The following SLCO1B3 variants were observed in gnomAD, a reference collection of about 807,000 sequenced individuals.
SLCO1B3 encodes the protein solute carrier organic anion transporter family member 1B3, also known as liver-specific organic anion transporter 2.
Under a neutral mutation model 71.8 loss-of-function variants are expected in SLCO1B3, and 72 were observed. That is an observed-to-expected ratio of 1.00 (90% CI 0.83 to 1.22). The LOEUF (loss-of-function observed/expected upper bound fraction) is 1.22. Ranked by LOEUF, SLCO1B3 falls within the 50% of genes most tolerant of loss-of-function variation. The pLI, the probability that SLCO1B3 is intolerant of heterozygous loss-of-function variation, is 0.00. For missense variants in SLCO1B3, 911 were observed against 819.7 expected, an observed-to-expected ratio of 1.11 and a Z score of -1.36; for synonymous variants, 298 against 278.4, an observed-to-expected ratio of 1.07 and a Z score of -0.70.
chr12:20,901,859 A>G, intron 15 of SLCO1B3: 5 of 429,376 alleles, frequency 1.2e-5, no homozygotes, highest in South Asian at 8.3e-5. Flanking sequence ...AATTGAGGAA[A>G]GAAATGGAAA....
intron 5 of SLCO1B3, among the ~76,000 whole-genome samples, chr12:20,859,225 A>G (rs140649360): frequency 1.3e-5 from 2 of 152,318 alleles, no homozygotes; most frequent in Non-Finnish European, 2.9e-5. Context: ...GCTGAGCTCC[A>G]GGAGCATTTT....
At chr12:20,858,877 G>A (rs934109692) in intron 5 of SLCO1B3, 26 of 168,228 alleles carry the variant, frequency 1.5e-4, no homozygotes, top group Middle Eastern at 2.9e-3. Flanking sequence ...TTATGTTTTT[G>A]CCTGTAAGAT....
At chr12:20,852,341 T>G (rs1232912353) in intron 3 of SLCO1B3, among the ~76,000 whole-genome samples, 1 of 151,962 alleles carries the variant, frequency 6.6e-6, no homozygotes, top group Non-Finnish European at 1.5e-5. Context: ...TAGTTAGGCA[T>G]AGTGGTGCAC....
At chr12:20,834,768 C>T (rs1341208053) in intron 3 of SLCO1B3, among the ~76,000 whole-genome samples, 2 of 152,094 alleles carry the variant, frequency 1.3e-5, no homozygotes, top group Non-Finnish European at 2.9e-5. Flanking sequence ...GTATCTGTGG[C>T]TTTTCCATGT....
Position 20,871,000 on chromosome 12 carries a change from A to G in SLCO1B3, c.728-4235A>G, listed in dbSNP as rs571471587. On this transcript the variant is annotated intron_variant, in intron 8 of 15. Transcript: ENST00000381545. ...TAATGTATCAGATTTATTGATTTGC[A>G]TATGTTGAACTAACTTTGGATCCCA... Among the ~76,000 whole-genome samples, 10 of 152,266 alleles carry G rather than the reference A, an allele frequency of 6.6e-5. No homozygotes were observed. The South Asian group carries it at 1.2e-3, about 19-fold the overall frequency.
At chr12:20,864,884 G>A (rs1319476216) in intron 8 of SLCO1B3, among the ~76,000 whole-genome samples, 1 of 152,082 alleles carries the variant, frequency 6.6e-6, no homozygotes, top group East Asian at 1.9e-4. Flanking sequence ...GGAAATTAGG[G>A]TATGATGGTT....
intron 3 of SLCO1B3, among the ~76,000 whole-genome samples, chr12:20,831,356 CAAAAAAA>C (rs35410136): frequency 5.5e-5 from 5 of 91,206 alleles, no homozygotes; most frequent in Admixed American, 3.6e-4. Context: ...GACGCCATAT[CAAAAAAA>C]AAAAAAAAAA....
chr12:20,891,158 T>C (rs1865894945), intron 13 of SLCO1B3, among the ~76,000 whole-genome samples: 1 of 152,118 alleles, frequency 6.6e-6, no homozygotes, highest in Admixed American at 6.6e-5. Context: ...TAAGTATTGC[T>C]CTTTCATTTC....
chr12:20,890,490 A>G (rs529698538), intron 13 of SLCO1B3, among the ~76,000 whole-genome samples: 2 of 152,336 alleles, frequency 1.3e-5, no homozygotes, highest in South Asian at 4.1e-4. Flanking sequence ...CTGAGGTTGT[A>G]GGGTAAAATG....
At position 20,916,383 on chromosome 12, in the gene SLCO1B3, C is replaced by T. The variant is rs766036895; in HGVS notation, c.*136C>T. 5.3e-5 allele frequency: 41 copies of T among 779,856 alleles called. No individual in the cohort carries two copies. Among genetic ancestry groups the T allele is most frequent in the Non-Finnish European group, 7.5e-5 (37 of 490,222 alleles). The allele number at this position is 779,856 out of a possible 1,614,324, so 48.3% of individuals were successfully genotyped here. On this transcript the variant is annotated 3_prime_UTR_variant, in exon 16 of 16. Transcript: ENST00000381545. ...ATAAACTATAAAAAATGGGAGTACCCATGGTTAGGATATAGCTATGCCTTT... is the reference window on the plus strand; with the variant it reads ...ATAAACTATAAAAAATGGGAGTACCTATGGTTAGGATATAGCTATGCCTTT...
intron 6 of SLCO1B3, 135 bp from the exon 7 acceptor site, chr12:20,862,277 A>G: frequency 1.9e-6 from 2 of 1,036,934 alleles, no homozygotes; most frequent in South Asian, 1.8e-5. Context: ...CAAACTTTGT[A>G]AAGTGAATAT....
chr12:20,813,108 G>C (rs1864135035), intron 1 of SLCO1B3, among the ~76,000 whole-genome samples: 1 of 152,052 alleles, frequency 6.6e-6, no homozygotes, highest in Non-Finnish European at 1.5e-5. Context: ...CTCCATTCAT[G>C]AGTGTATTTA....
intron 3 of SLCO1B3, among the ~76,000 whole-genome samples, chr12:20,849,635 A>T (rs987477934): frequency 6.6e-6 from 1 of 152,032 alleles, no homozygotes; most frequent in Non-Finnish European, 1.5e-5. Context: ...ACATAATTAT[A>T]TGTAAAGAGA....
Position 20,854,950 on chromosome 12 carries a change from G to A in SLCO1B3, c.85-78G>A, listed in dbSNP as rs997205967. On this transcript the variant is annotated intron_variant, in intron 3 of 15. Transcript: ENST00000381545. Reference sequence around the variant, plus strand: ...TGTTTTCGAGTAAAGAAGAAAAACTGTTTTAGTTCCATGTACCTATAAACA... The same window carrying A: ...TGTTTTCGAGTAAAGAAGAAAAACTATTTTAGTTCCATGTACCTATAAACA... The A allele has an allele frequency of 8.3e-6, 11 of 1,321,250 alleles. No homozygotes were observed. The African/African-American group carries it at 1.5e-4, about 18-fold the overall frequency. The allele number at this position is 1,321,250 out of a possible 1,614,324, so 81.8% of individuals were successfully genotyped here.
intron 15 of SLCO1B3, among the ~76,000 whole-genome samples, chr12:20,911,296 A>T (rs1189620771): frequency 4.6e-5 from 7 of 152,174 alleles, no homozygotes; most frequent in African/African-American, 1.7e-4. Context: ...CCTGAAATAC[A>T]TTCCACTTGG....
chr12:20,884,044 A>G (rs1865746337), intron 13 of SLCO1B3, among the ~76,000 whole-genome samples: 1 of 152,206 alleles, frequency 6.6e-6, no homozygotes, highest in African/African-American at 2.4e-5. Flanking sequence ...CAATTCACCC[A>G]CAGCATGGCT....
chr12:20,868,367 G>A (rs953595113), intron 8 of SLCO1B3, among the ~76,000 whole-genome samples: 2 of 151,864 alleles, frequency 1.3e-5, no homozygotes, highest in African/African-American at 2.4e-5. Context: ...TTATTCAAAG[G>A]TCAACTGTAC....
At chr12:20,880,006 T>C (rs868741614) in intron 11 of SLCO1B3, among the ~76,000 whole-genome samples, 2 of 152,028 alleles carry the variant, frequency 1.3e-5, no homozygotes, top group South Asian at 2.1e-4. Context: ...TGTCATTAAA[T>C]AAAATTATTC....
At chr12:20,815,981 T>G (rs979749321) in intron 3 of SLCO1B3, among the ~76,000 whole-genome samples, 159 bp downstream of exon 3, 11 of 152,242 alleles carry the variant, frequency 7.2e-5, no homozygotes, top group African/African-American at 2.4e-4. Context: ...TATATTGATT[T>G]AAATCAGTTT....
Sources: gnomAD v4.1 joint callset for allele counts (sites outside exome capture counted in the v4.1 genomes callset) on GRCh38, gnomAD v4.1.1 for gene constraint, MANE v1.5 for transcripts, NCBI Gene and HGNC (gene_info 2026-07-23, HGNC 2026-07-21) for gene names.